The following PCDHGA7 variants were observed in gnomAD, a reference collection of about 807,000 sequenced individuals.
PCDHGA7 encodes the protein protocadherin gamma subfamily A, 7.
A neutral mutation model predicts 58.3 loss-of-function variants in PCDHGA7; 44 were observed. The ratio of observed to expected loss-of-function variants is 0.75; its 90% confidence interval spans 0.59 to 0.97. PCDHGA7 has a LOEUF of 0.97. Among genes scored for constraint, PCDHGA7 ranks in the 50% least tolerant of loss-of-function variants. The pLI, the probability that PCDHGA7 is intolerant of heterozygous loss-of-function variation, is 0.00. For missense variants in PCDHGA7, 1,266 were observed against 1,188.7 expected, an observed-to-expected ratio of 1.06 and a Z score of -0.96; for synonymous variants, 516 against 504.2, an observed-to-expected ratio of 1.02 and a Z score of -0.31.
chr5:141,442,702 T>G (rs1301940560), intron 1 of PCDHGA7, among the ~76,000 whole-genome samples: 6 of 152,224 alleles, frequency 3.9e-5, no homozygotes, highest in Non-Finnish European at 8.8e-5. Context: ...GACAAGAGTA[T>G]CAGACATGCC....
chr5:141,398,336 C>T lies in PCDHGA7; in HGVS notation c.2424+13013C>T, dbSNP rs2093641789. The T allele has an allele frequency of 7.3e-6, 10 of 1,363,224 alleles. No individual in the cohort carries two copies. In the East Asian group the frequency reaches 1.7e-4, roughly 24 times the overall value. 84.4% of individuals were successfully genotyped at this position (1,363,224 alleles called of 1,614,324 possible). On this transcript the variant is annotated intron_variant, in intron 1 of 3. Coordinates refer to ENST00000518325, the MANE Select transcript of PCDHGA7 (RefSeq NM_018920.4). ...CCGACTCGAAAACTGCGCGTCAGTT[C>T]GGAGAAGCCTTACTTCACCGTGAGC...
At chr5:141,450,225 C>A (rs1294362576) in intron 1 of PCDHGA7, among the ~76,000 whole-genome samples, 1 of 151,976 alleles carries the variant, frequency 6.6e-6, no homozygotes, top group Non-Finnish European at 1.5e-5. Flanking sequence ...ACTATGTTGG[C>A]CAGGCTAGTC....
chr5:141,500,350 A>G (rs2099799466), intron 2 of PCDHGA7, among the ~76,000 whole-genome samples: 1 of 151,976 alleles, frequency 6.6e-6, no homozygotes, highest in African/African-American at 2.4e-5. Flanking sequence ...CTGGGACTAC[A>G]GGCGCCCACT....
At chr5:141,414,897 C>A (rs2095799678) in intron 1 of PCDHGA7, 7 of 1,614,230 alleles carry the variant, frequency 4.3e-6, no homozygotes, top group Non-Finnish European at 5.9e-6. Flanking sequence ...TCCCCACAGA[C>A]GGTTCCACAG....
At chr5:141,443,871 G>A (rs1395939418) in intron 1 of PCDHGA7, among the ~76,000 whole-genome samples, 1 of 152,112 alleles carries the variant, frequency 6.6e-6, no homozygotes, top group East Asian at 1.9e-4. Context: ...AAAAATTACT[G>A]ATAAGTCAAG....
chr5:141,410,524 T>A, intron 1 of PCDHGA7: 1 of 1,613,954 alleles, frequency 6.2e-7, no homozygotes. Context: ...TGCCCCTACA[T>A]TCCAATGAAG....
intron 1 of PCDHGA7, among the ~76,000 whole-genome samples, chr5:141,449,205 A>G (rs991001366): frequency 6.6e-6 from 1 of 152,164 alleles, no homozygotes; most frequent in Admixed American, 6.5e-5. Context: ...GTTAATTCTA[A>G]CTTTCTGTTT....
chr5:141,461,560 T>G (rs1355320881), intron 1 of PCDHGA7, among the ~76,000 whole-genome samples: 1 of 152,234 alleles, frequency 6.6e-6, no homozygotes, highest in African/African-American at 2.4e-5. Context: ...ATGTGTACTT[T>G]GCAAAGATAA....
chr5:141,399,436 C>T (rs550386808), intron 1 of PCDHGA7: 12 of 1,613,996 alleles, frequency 7.4e-6, no homozygotes, highest in Admixed American at 3.3e-5. Context: ...CGTCATCCTA[C>T]ATATCAGAGA....
rs537334679 is a variant in PCDHGA7 at position 141,413,479 on chromosome 5, C to G, written c.2424+28156C>G. ...GATAGACCGGGAGGAGCTCTGCGCTCAGAGCGCGCGGTGCGTGGTGAGTTT... is the reference window on the plus strand; with the variant it reads ...GATAGACCGGGAGGAGCTCTGCGCTGAGAGCGCGCGGTGCGTGGTGAGTTT... On this transcript the variant is annotated intron_variant, in intron 1 of 3. Coordinates refer to ENST00000518325, the MANE Select transcript of PCDHGA7 (RefSeq NM_018920.4). 4.3e-6 allele frequency: 7 copies of G among 1,614,084 alleles called. No individual in the cohort carries two copies. In the African/African-American group the frequency reaches 6.7e-5, roughly 15 times the overall value.
At chr5:141,420,965 TA>T (rs1468739825) in intron 1 of PCDHGA7, 6 of 433,892 alleles carry the variant, frequency 1.4e-5, no homozygotes, top group African/African-American at 1.0e-4. Flanking sequence ...GTCGTTGCAA[TA>T]ATAAGAATGG....
intron 3 of PCDHGA7, chr5:141,506,955 C>T (rs1387377785): frequency 2.6e-5 from 4 of 152,362 alleles, no homozygotes; most frequent in South Asian, 2.1e-4. Context: ...AATGAATCCT[C>T]TCAATAGCTC....
chr5:141,399,383 C>A, intron 1 of PCDHGA7: 1 of 1,614,008 alleles, frequency 6.2e-7, no homozygotes. Context: ...GTCACCATCA[C>A]AGCCACAGAC....
chr5:141,383,037 A>G lies in PCDHGA7; in HGVS notation c.138A>G (p.Gly46=). 6.2e-7 allele frequency: 1 copy of G among 1,613,816 alleles called. No homozygotes were observed. The highest frequency in any genetic ancestry group is 8.5e-7 in the Non-Finnish European group (1 of 1,179,884). The change falls in exon 1 of 4, where the codon GGA becomes GGG. Residue 46 remains glycine, a synonymous_variant. Transcript: ENST00000518325. ...AGACGGACAAAGGGTCCTTTGTGGG[A>G]GACATCGCCAAGGACCTGGGGCTGG... The part of the protein sequence containing the change: ...SEETDKGSFV[G]DIAKDLGLEP...
In PCDHGA7 at chr5:141,486,697, C is replaced by T. The variant is rs146956400; in HGVS notation, c.2425-8110C>T. 89 of 1,614,058 alleles carry T rather than the reference C, an allele frequency of 5.5e-5. No homozygotes were observed. Among genetic ancestry groups the T allele is most frequent in the Non-Finnish European group, 7.4e-5 (87 of 1,180,040 alleles). ...GAGATGTATCAGCTTCCTCTTTCAT[C>T]TCTCTGAACCCCCAGACAGGAGCTG... On this transcript the variant is annotated intron_variant, in intron 1 of 3. Coordinates refer to ENST00000518325, the MANE Select transcript of PCDHGA7 (RefSeq NM_018920.4). The surrounding 1 kb of genome is among the most constrained non-coding windows in gnomAD (Gnocchi z 5.0).
chr5:141,479,568 G>A (rs553213095), intron 1 of PCDHGA7: 2 of 152,346 alleles, frequency 1.3e-5, no homozygotes, highest in East Asian at 3.9e-4. Context: ...GTAGTGGGAT[G>A]ACATCTGTGA....
intron 1 of PCDHGA7, chr5:141,394,624 T>C (rs542816387): frequency 6.2e-7 from 1 of 1,613,110 alleles, no homozygotes; most frequent in African/African-American, 1.3e-5. Flanking sequence ...AACGCCTGGC[T>C]GTCCTACCGC....
intron 1 of PCDHGA7, among the ~76,000 whole-genome samples, chr5:141,406,975 C>A (rs1434644612): frequency 6.6e-6 from 1 of 152,108 alleles, no homozygotes; most frequent in African/African-American, 2.4e-5. Flanking sequence ...TAGTAAATAA[C>A]ATTTCACAAG....
At chr5:141,423,367 G>A (rs1478466218) in intron 1 of PCDHGA7, 2 of 1,614,068 alleles carry the variant, frequency 1.2e-6, no homozygotes, top group Admixed American at 1.7e-5. Context: ...CGTGCTGCTG[G>A]CACTCAGGCT....
Sources: gnomAD v4.1 joint callset for allele counts (sites outside exome capture counted in the v4.1 genomes callset) on GRCh38, gnomAD v4.1.1 for gene constraint, Gnocchi (gnomAD v3.1) non-coding constraint, MANE v1.5 for transcripts, NCBI Gene and HGNC (gene_info 2026-07-23, HGNC 2026-07-21) for gene names.